Variants in ARHGAP23 observed in about 807,000 individuals in gnomAD.
ARHGAP23 encodes the protein rho GTPase-activating protein 23.
Under a neutral mutation model 136.3 loss-of-function variants are expected in ARHGAP23, and 34 were observed. That is an observed-to-expected ratio of 0.25 (90% CI 0.19 to 0.33). ARHGAP23 has a LOEUF of 0.33. Among genes scored for constraint, ARHGAP23 ranks in the 10% least tolerant of loss-of-function variants. The pLI, the probability that ARHGAP23 is intolerant of heterozygous loss-of-function variation, is 1.00. For synonymous variants in ARHGAP23, 832 were observed against 920.5 expected (o/e 0.90, Z 1.74); for missense variants, 1,808 against 2,139.0 (o/e 0.85, Z 3.05).
At chr17:38,436,192 G>A (rs1374846358) in intron 1 of ARHGAP23, among the ~76,000 whole-genome samples, 1 of 152,086 alleles carries the variant, frequency 6.6e-6, no homozygotes, top group Non-Finnish European at 1.5e-5. Context: ...GAGAGGGTAG[G>A]AGGCAGAAAA....
intron 20 of ARHGAP23, among the ~76,000 whole-genome samples, chr17:38,492,276 T>C (rs979970122): frequency 2.0e-5 from 3 of 152,156 alleles, no homozygotes; most frequent in African/African-American, 7.2e-5. Context: ...TTATGAATCG[T>C]AGATTTTCCA....
At chr17:38,461,326 G>A (rs767381511) in intron 3 of ARHGAP23, among the ~76,000 whole-genome samples, 33 of 152,230 alleles carry the variant, frequency 2.2e-4, no homozygotes, top group Admixed American at 5.9e-4. Flanking sequence ...AGCAAAGGCT[G>A]TCCTTGGAGG....
intron 11 of ARHGAP23, among the ~76,000 whole-genome samples, chr17:38,476,397 C>T (rs1225714520): frequency 1.3e-5 from 2 of 152,128 alleles, no homozygotes; most frequent in Non-Finnish European, 2.9e-5. Context: ...TCAAGGGCAG[C>T]TCCCAGGTTT....
At chr17:38,495,228 C>CTTTTTTT (rs11295890) in intron 20 of ARHGAP23, among the ~76,000 whole-genome samples, 4 of 135,488 alleles carry the variant, frequency 3.0e-5, no homozygotes, top group Non-Finnish European at 3.2e-5. Context: ...TTTTCTTTTT[C>CTTTTTTT]TTTTTTTTTT....
At position 38,467,137 on chromosome 17, in the gene ARHGAP23, G is replaced by A. The variant is rs1351553510; in HGVS notation, c.1454G>A (p.Arg485His). The A allele has an allele frequency of 1.1e-5, 17 of 1,549,490 alleles. No individual in the cohort carries two copies. Among genetic ancestry groups the A allele is most frequent in the East Asian group, 4.9e-5 (2 of 40,880 alleles). The change falls in exon 7 of 24, where the codon CGC becomes CAC. Residue 485 changes from arginine to histidine, a missense_variant. Around this residue, in one of 7 missense-constraint regions of ARHGAP23, gnomAD observed 859 missense variants for 936.4 expected, o/e 0.92. Transcript: ENST00000622683. ...GCCCTGGAGCCTCCTGCGGAGGATC[G>A]CGGCGATGAGGTGGTCCTGAGGCAG... ...TRALEPPAED[R>H]GDEVVLRQKP...
At chr17:38,493,863 G>C (rs1442913734) in intron 20 of ARHGAP23, among the ~76,000 whole-genome samples, 1 of 152,214 alleles carries the variant, frequency 6.6e-6, no homozygotes, top group Non-Finnish European at 1.5e-5. Context: ...GTTGCCAGGA[G>C]CCCCTACCTA....
At chr17:38,473,542 G>A (rs137968974) in intron 11 of ARHGAP23, among the ~76,000 whole-genome samples, 10 of 152,210 alleles carry the variant, frequency 6.6e-5, no homozygotes, top group African/African-American at 1.2e-4. Flanking sequence ...GGGAGCCTCC[G>A]TGGAGGTTCT....
intron 1 of ARHGAP23, among the ~76,000 whole-genome samples, chr17:38,446,866 T>C (rs2039046880): frequency 6.6e-6 from 1 of 152,032 alleles, no homozygotes; most frequent in Admixed American, 6.6e-5. Context: ...AGAGCAGTAG[T>C]GTGATCATAG....
At position 38,477,673 on chromosome 17, in the gene ARHGAP23, C is replaced by A; in HGVS notation, c.2213C>A (p.Pro738Gln). The A allele has an allele frequency of 7.7e-7, 1 of 1,295,440 alleles. No individual in the cohort carries two copies. Among genetic ancestry groups the A allele is most frequent in the Non-Finnish European group, 9.8e-7 (1 of 1,019,824 alleles). 80.2% of individuals were successfully genotyped at this position (1,295,440 alleles called of 1,614,324 possible). A position where few individuals can be genotyped will look rare whatever the true frequency, so the allele number is the denominator to read the frequency against. Reference sequence around the variant, plus strand: ...AGCAAGGAGCGGCGGGAGCCCGGGCCGGCGGCGGCGGGGGCTGCGGCGGCC... The same window carrying A: ...AGCAAGGAGCGGCGGGAGCCCGGGCAGGCGGCGGCGGGGGCTGCGGCGGCC... Reference protein sequence around the residue: ...SLSKERREPGPAAAGAAAAGA... With the variant: ...SLSKERREPGQAAAGAAAAGA... The change falls in exon 12 of 24, where the codon CCG (proline) becomes CAG (glutamine). Residue 738 changes from proline to glutamine, a missense_variant. Pro to Gln is a moderately conservative substitution (Grantham distance 76). This residue lies in a region of ARHGAP23 where 139 missense variants were observed against 264.3 expected (regional missense o/e 0.53). Transcript: ENST00000622683. The surrounding 1 kb of genome is among the most constrained non-coding windows in gnomAD (Gnocchi z 6.6).
intron 14 of ARHGAP23, 101 bp downstream of exon 14, chr17:38,479,984 C>T (rs1303720400): frequency 1.1e-5 from 16 of 1,470,742 alleles, no homozygotes; most frequent in Admixed American, 4.2e-5. Flanking sequence ...CTCATGTGTG[C>T]CTGACTGTGT....
Position 38,466,733 on chromosome 17 carries a change from C to T in ARHGAP23, c.1050C>T (p.Arg350=). 1 of 1,545,632 alleles carries T rather than the reference C, an allele frequency of 6.5e-7. No individual in the cohort carries two copies. The highest frequency in any genetic ancestry group is 1.2e-5 in the South Asian group (1 of 83,658). Residue 350 remains arginine (R), a synonymous_variant, in exon 7 of 24, where the codon CGC becomes CGT. Coordinates refer to ENST00000622683, the MANE Select transcript of ARHGAP23 (RefSeq NM_001199417.2). ...QLGQEGWHRA[R]SDDYLSRATR... ...GCCAGGAGGGCTGGCACCGAGCTCG[C>T]TCAGATGACTACTTGAGCCGGGCCA...
chr17:38,510,808 G>T lies in ARHGAP23; in HGVS notation c.4312G>T (p.Ala1438Ser), dbSNP rs1334623154. ...GGPPEPAGAR[A>S]HSDNKDSGLS... Reference sequence around the variant, plus strand: ...CCCCCCGGAGCCTGCGGGCGCGCGGGCGCACAGTGACAACAAGGACTCCGG... The same window carrying T: ...CCCCCCGGAGCCTGCGGGCGCGCGGTCGCACAGTGACAACAAGGACTCCGG... Residue 1438 changes from alanine (A) to serine (S), a missense_variant, in exon 24 of 24, where the codon GCG (alanine) becomes TCG (serine). Transcript: ENST00000622683. This position sits in a 1 kb window ranked among gnomAD's most constrained non-coding sequence, Gnocchi z 4.6. 4.6e-6 allele frequency: 7 copies of T among 1,507,450 alleles called. No homozygotes were observed. In the Admixed American group the frequency reaches 1.5e-4, roughly 32 times the overall value. 93.4% of individuals were successfully genotyped at this position (1,507,450 alleles called of 1,614,324 possible). A position where few individuals can be genotyped will look rare whatever the true frequency, so the allele number is the denominator to read the frequency against.
intron 1 of ARHGAP23, among the ~76,000 whole-genome samples, chr17:38,431,465 T>C (rs2038684091): frequency 6.6e-6 from 1 of 152,172 alleles, no homozygotes; most frequent in Non-Finnish European, 1.5e-5. Flanking sequence ...GAATAGGGCC[T>C]GTGGGAGCTG....
chr17:38,440,621 C>G (rs1029407273), intron 1 of ARHGAP23, among the ~76,000 whole-genome samples: 1 of 152,172 alleles, frequency 6.6e-6, no homozygotes, highest in Non-Finnish European at 1.5e-5. Flanking sequence ...CCCCCTAGCC[C>G]GGTGCCAGGC....
chr17:38,486,111 G>T lies in ARHGAP23; in HGVS notation c.2957G>T (p.Arg986Leu). 1 of 1,551,438 alleles carries T rather than the reference G, an allele frequency of 6.4e-7. No individual in the cohort carries two copies. The highest frequency in any genetic ancestry group is 8.7e-7 in the Non-Finnish European group (1 of 1,146,816). The change falls in exon 17 of 24, where the codon CGA (arginine) becomes CTA (leucine). Residue 986 changes from arginine to leucine, a missense_variant. Arg to Leu is a moderately radical substitution (Grantham distance 102). Coordinates refer to ENST00000622683, the MANE Select transcript of ARHGAP23 (RefSeq NM_001199417.2). The part of the protein sequence containing the change: ...VISSLLKSFF[R>L]KLPEPLFTDD... ...AGCAGCCTGCTCAAGTCCTTCTTCC[G>T]AAAGCTGCCCGAGCCTCTTTTCACT...
At position 38,511,117 on chromosome 17, in the gene ARHGAP23, T is replaced by C. The variant is rs1216883653; in HGVS notation, c.*145T>C. 4.5e-6 allele frequency: 4 copies of C among 896,044 alleles called. No homozygotes were observed. Among genetic ancestry groups the C allele is most frequent in the Non-Finnish European group, 4.7e-6 (3 of 645,136 alleles). 55.5% of individuals were successfully genotyped at this position (896,044 alleles called of 1,614,324 possible). ...CGCAGCAGGCAGTGTCTCTAGTTGG[T>C]GTGCTGGAACTGGCAGGGCAGAGGA... On this transcript the variant is annotated 3_prime_UTR_variant, in exon 24 of 24. Transcript: ENST00000622683.
chr17:38,443,332 G>A (rs575635296), intron 1 of ARHGAP23, among the ~76,000 whole-genome samples: 5 of 152,298 alleles, frequency 3.3e-5, no homozygotes, highest in East Asian at 3.9e-4. Flanking sequence ...ATGAGTTAGC[G>A]CATCTAACAG....
chr17:38,481,341 G>A (rs1490292098), intron 14 of ARHGAP23, among the ~76,000 whole-genome samples: 2 of 151,990 alleles, frequency 1.3e-5, no homozygotes, highest in African/African-American at 4.8e-5. Context: ...CAGAGACAGG[G>A]TTTCACCGTG....
In ARHGAP23 at chr17:38,490,481, A is replaced by G; in HGVS notation, c.3080A>G (p.His1027Arg). 1 of 1,549,218 alleles carries G rather than the reference A, an allele frequency of 6.5e-7. No individual in the cohort carries two copies. The highest frequency in any genetic ancestry group is 8.7e-7 in the Non-Finnish European group (1 of 1,146,550). The change falls in exon 19 of 24, where the codon CAC becomes CGC. Residue 1027 changes from histidine to arginine, a missense_variant. Transcript: ENST00000622683. ...GCTCAGATCCGGGATCTCCCAGGAC[A>G]CTACTATGAAACGCTCAAATTCCTT... ...LRKLIRDLPGHYYETLKFLVG... is the reference protein window; with the variant it reads ...LRKLIRDLPGRYYETLKFLVG...
Sources: allele counts gnomAD v4.1 joint callset (sites outside exome capture counted in the v4.1 genomes callset), GRCh38; gene constraint gnomAD v4.1.1; regional missense constraint gnomAD v4.1.1; non-coding constraint Gnocchi (gnomAD v3.1); transcripts MANE v1.5; gene names NCBI Gene and HGNC (gene_info 2026-07-23, HGNC 2026-07-21).